The following ATP2C2 variants were observed in gnomAD, a reference collection of about 807,000 sequenced individuals.
The protein encoded by ATP2C2 is ATPase secretory pathway Ca2+ transporting 2.
Under a neutral mutation model 110.8 loss-of-function variants are expected in ATP2C2, and 171 were observed. That is an observed-to-expected ratio of 1.54 (90% CI 1.36 to 1.75). The LOEUF (loss-of-function observed/expected upper bound fraction) is 1.75, where lower values mean the gene tolerates loss of function less well. Ranked by LOEUF, ATP2C2 falls within the 40% of genes most tolerant of loss-of-function variation. ATP2C2 has a pLI of 0.00. For missense variants in ATP2C2, 1,963 were observed against 1,235.0 expected, an observed-to-expected ratio of 1.59 and a Z score of -8.84; for synonymous variants, 804 against 508.4, an observed-to-expected ratio of 1.58 and a Z score of -7.82.
At chr16:84,420,145 C>G (rs943702080) in intron 7 of ATP2C2, among the ~76,000 whole-genome samples, 1 of 152,148 alleles carries the variant, frequency 6.6e-6, no homozygotes, top group Non-Finnish European at 1.5e-5. Flanking sequence ...CTTTCCCCAG[C>G]CACCTCTTCT....
intron 6 of ATP2C2, among the ~76,000 whole-genome samples, chr16:84,412,476 G>A (rs1045633032): frequency 4.8e-5 from 7 of 144,480 alleles, no homozygotes; most frequent in African/African-American, 1.8e-4. Flanking sequence ...GTGTGTCTGT[G>A]CATGTGTATG....
At chr16:84,411,027 G>A in intron 6 of ATP2C2, 1 of 531,300 alleles carries the variant, frequency 1.9e-6, no homozygotes, top group Non-Finnish European at 3.4e-6. Context: ...GGTAGCAGGA[G>A]TGACTCTGGG....
chr16:84,459,243 C>G (rs755409887), intron 22 of ATP2C2, 27 bp from the exon 23 acceptor site: 3 of 1,613,936 alleles, frequency 1.9e-6, no homozygotes, highest in Non-Finnish European at 2.5e-6. Flanking sequence ...GGCGGGCGGC[C>G]GCTGACTGGC....
At position 84,460,682 on chromosome 16, in the gene ATP2C2, G is replaced by A. The variant is rs373412985; in HGVS notation, c.2362G>A (p.Ala788Thr). The A allele has an allele frequency of 2.1e-5, 34 of 1,614,092 alleles. No homozygotes were observed. Among genetic ancestry groups the A allele is most frequent in the Middle Eastern group, 3.3e-4 (2 of 6,082 alleles). The change falls in exon 24 of 27, where the codon GCC becomes ACC. Residue 788 changes from alanine (A) to threonine (T), a missense_variant. By Grantham distance (58) the Ala-to-Thr change is moderately conservative (BLOSUM62 0). Coordinates refer to ENST00000262429, the MANE Select transcript of ATP2C2 (RefSeq NM_014861.4). ...GGGGGTAGAGCCCGTTGACAAAGAC[G>A]CCTTCAGGCAGCCACCACGGAGTGT... ...SLGVEPVDKD[A>T]FRQPPRSVRD...
intron 11 of ATP2C2, among the ~76,000 whole-genome samples, chr16:84,435,363 T>A (rs750061184): frequency 1.3e-5 from 2 of 152,238 alleles, no homozygotes; most frequent in Middle Eastern, 6.3e-3. Flanking sequence ...GGTCTCTCTG[T>A]GTGATCCTGG....
Position 84,405,212 on chromosome 16 carries a change from A to G in ATP2C2, c.295A>G (p.Ser99Gly). ...CTGGAATGAGTTTGTTGCTGACAACAGCGAACCTGTGTGGAAGAAATACCT... is the reference window on the plus strand; with the variant it reads ...CTGGAATGAGTTTGTTGCTGACAACGGCGAACCTGTGTGGAAGAAATACCT... The part of the protein sequence containing the change: ...HGWNEFVADN[S>G]EPVWKKYLDQ... The change falls in exon 3 of 27, where the codon AGC becomes GGC. Residue 99 changes from serine to glycine, a missense_variant. By Grantham distance (56) the Ser-to-Gly change is moderately conservative (BLOSUM62 0). Transcript: ENST00000262429. 3 of 1,614,088 alleles carry G rather than the reference A, an allele frequency of 1.9e-6. No individual in the cohort carries two copies. The highest frequency in any genetic ancestry group is 2.5e-6 in the Non-Finnish European group (3 of 1,179,972).
chr16:84,458,630 A>C (rs1910926914), intron 21 of ATP2C2, among the ~76,000 whole-genome samples: 1 of 152,228 alleles, frequency 6.6e-6, no homozygotes, highest in Non-Finnish European at 1.5e-5. Flanking sequence ...ACCCCAGGTC[A>C]AGGTTTAAAA....
chr16:84,451,176 G>C (rs1024284878), intron 17 of ATP2C2, among the ~76,000 whole-genome samples: 1 of 152,150 alleles, frequency 6.6e-6, no homozygotes, highest in South Asian at 2.1e-4. Context: ...GAGAGAATGA[G>C]AGCCAAGCCT....
rs3743651 is a variant in ATP2C2 at position 84,415,555 on chromosome 16, C to G, written c.588C>G (p.Ile196Met). 10 of 1,613,876 alleles carry G rather than the reference C, an allele frequency of 6.2e-6. No individual in the cohort carries two copies. The highest frequency in any genetic ancestry group is 8.5e-6 in the Non-Finnish European group (10 of 1,179,962). The change falls in exon 7 of 27, where the codon ATC becomes ATG. Residue 196 changes from isoleucine to methionine, a missense_variant. Ile to Met is a conservative substitution (Grantham distance 10). Coordinates refer to ENST00000262429, the MANE Select transcript of ATP2C2 (RefSeq NM_014861.4). ...LVPGDVVSLS[I>M]GDRIPADIRL... is the part of the protein sequence containing the mutation. The stretch of plus-strand genomic sequence containing the variant: ...CTGGTGATGTCGTATCTCTCTCGAT[C>G]GGAGACCGGATCCCTGCAGACATCC...
intron 1 of ATP2C2, 80 bp downstream of exon 1, chr16:84,368,794 C>A: frequency 1.6e-6 from 2 of 1,232,412 alleles, no homozygotes; most frequent in South Asian, 2.9e-5. Context: ...GCCCGAGACC[C>A]CGCGTTCGCG....
chr16:84,439,782 A>C (rs756707068), intron 13 of ATP2C2, among the ~76,000 whole-genome samples: 6 of 152,212 alleles, frequency 3.9e-5, no homozygotes, highest in Non-Finnish European at 7.3e-5. Context: ...AAAAGCTAGA[A>C]AAAATCTTCC....
rs199845472 is a variant in ATP2C2 at position 84,462,150 on chromosome 16, C to T, written c.2722+21C>T. On this transcript the variant is annotated intron_variant, in intron 26 of 26. Coordinates refer to ENST00000262429, the MANE Select transcript of ATP2C2 (RefSeq NM_014861.4). ...GCTTGGTGAGTGGTGGGGACGGGAA[C>T]GACAGGTGACCTCGACCAGGGCCAT... 5.4e-5 allele frequency: 87 copies of T among 1,605,126 alleles called. 1 individual carries two copies. The highest frequency in any genetic ancestry group is 5.2e-4 in the Middle Eastern group (3 of 5,774).
chr16:84,380,839 A>C (rs867934847), intron 1 of ATP2C2, among the ~76,000 whole-genome samples: 2 of 152,212 alleles, frequency 1.3e-5, no homozygotes, highest in African/African-American at 4.8e-5. Flanking sequence ...GCACCTGATC[A>C]TGGTGATTTT....
chr16:84,420,656 CTG>C (rs1372362422), intron 7 of ATP2C2, among the ~76,000 whole-genome samples: 2 of 152,054 alleles, frequency 1.3e-5, no homozygotes, highest in Non-Finnish European at 2.9e-5. Flanking sequence ...TACCTTGAGT[CTG>C]TGACACTTTC....
In ATP2C2 at chr16:84,451,963, T is replaced by G; in HGVS notation, c.1703T>G (p.Phe568Cys). 6.2e-7 allele frequency: 1 copy of G among 1,613,878 alleles called. No homozygotes were observed. ...GGGCCCGAGCTGGGGCGGCTGACGT[T>G]TCTCGGTCTTGTGGGCATCATTGAC... ...ASGPELGRLTFLGLVGIIDPP... is the reference protein window; with the variant it reads ...ASGPELGRLTCLGLVGIIDPP... The change falls in exon 18 of 27, where the codon TTT becomes TGT. Residue 568 changes from phenylalanine to cysteine, a missense_variant. Coordinates refer to ENST00000262429, the MANE Select transcript of ATP2C2 (RefSeq NM_014861.4).
At chr16:84,432,431 G>A (rs1399543539) in intron 11 of ATP2C2, among the ~76,000 whole-genome samples, 2 of 151,484 alleles carry the variant, frequency 1.3e-5, no homozygotes, top group African/African-American at 2.4e-5. Context: ...GCTCTCCCCC[G>A]AACCCCCCGA....
At chr16:84,435,188 A>G (rs1446469587) in intron 11 of ATP2C2, among the ~76,000 whole-genome samples, 5 of 152,236 alleles carry the variant, frequency 3.3e-5, no homozygotes, top group Admixed American at 6.5e-5. Context: ...TGAGATGTAC[A>G]TTCTTTTTCA....
In ATP2C2 at chr16:84,431,660, G is replaced by C. The variant is rs547364812; in HGVS notation, c.986+5859G>C. 2.1e-4 allele frequency among the ~76,000 whole-genome samples: 32 copies of C among 152,030 alleles called. No homozygotes were observed. The East Asian group carries it at 2.3e-3, about 11-fold the overall frequency. On this transcript the variant is annotated intron_variant, in intron 11 of 26. Transcript: ENST00000262429. ...TGGGAACATATCCGAGGGTCACTTG[G>C]GGGGGACCACAGCTGAGCTCTGTGA...
At chr16:84,383,102 G>C (rs1375716674) in intron 1 of ATP2C2, among the ~76,000 whole-genome samples, 1 of 152,132 alleles carries the variant, frequency 6.6e-6, no homozygotes, top group East Asian at 1.9e-4. Context: ...GGGTTCCTGG[G>C]AGCCACTGTC....
Sources: gnomAD v4.1 joint callset for allele counts (sites outside exome capture counted in the v4.1 genomes callset) on GRCh38, gnomAD v4.1.1 for gene constraint, MANE v1.5 for transcripts, NCBI Gene and HGNC (gene_info 2026-07-23, HGNC 2026-07-21) for gene names.